The following JAKMIP2 variants were observed in gnomAD, a reference collection of about 807,000 sequenced individuals.
The protein encoded by JAKMIP2 is janus kinase and microtubule interacting protein 2, also known as janus kinase and microtubule-interacting protein 2.
A neutral mutation model predicts 115.0 loss-of-function variants in JAKMIP2; 25 were observed. That is an observed-to-expected ratio of 0.22 (90% CI 0.16 to 0.30). JAKMIP2 has a LOEUF of 0.30. Among genes scored for constraint, JAKMIP2 ranks in the 10% least tolerant of loss-of-function variants. The pLI, the probability that JAKMIP2 is intolerant of heterozygous loss-of-function variation, is 1.00. For synonymous variants in JAKMIP2, 334 were observed against 343.6 expected, an observed-to-expected ratio of 0.97 and a Z score of 0.31; for missense variants, 642 against 957.6, an observed-to-expected ratio of 0.67 and a Z score of 4.35.
At chr5:147,671,596 C>T in intron 2 of JAKMIP2, 82 bp downstream of exon 2, 1 of 1,228,664 alleles carries the variant, frequency 8.1e-7, no homozygotes, top group Non-Finnish European at 1.1e-6. Flanking sequence ...TGGGGTAGGC[C>T]AGCAGGCAGA....
chr5:147,679,043 C>T (rs1272532337), intron 1 of JAKMIP2, among the ~76,000 whole-genome samples: 3 of 151,908 alleles, frequency 2.0e-5, no homozygotes, highest in African/African-American at 7.3e-5. Context: ...TGCAGTGGCA[C>T]AATCTTGGAT....
chr5:147,603,229 GT>G (rs1755804270), intron 20 of JAKMIP2, among the ~76,000 whole-genome samples: 1 of 152,164 alleles, frequency 6.6e-6, no homozygotes, highest in Non-Finnish European at 1.5e-5. Flanking sequence ...TTTTGGGCAA[GT>G]TGTTTAATTT....
chr5:147,679,083 T>A (rs1760126510), intron 1 of JAKMIP2, among the ~76,000 whole-genome samples: 1 of 151,940 alleles, frequency 6.6e-6, no homozygotes, highest in Non-Finnish European at 1.5e-5. Flanking sequence ...CAGGTTCAAA[T>A]AATTCTCACG....
At chr5:147,677,340 TGAATAA>T (rs757528388) in intron 1 of JAKMIP2, among the ~76,000 whole-genome samples, 4 of 152,192 alleles carry the variant, frequency 2.6e-5, no homozygotes, top group Non-Finnish European at 4.4e-5. Flanking sequence ...ATGCTTAAAT[TGAATAA>T]GAATGACAGG....
chr5:147,765,507 A>G (rs1487394641), intron 1 of JAKMIP2, among the ~76,000 whole-genome samples: 1 of 152,080 alleles, frequency 6.6e-6, no homozygotes, highest in Non-Finnish European at 1.5e-5. Context: ...AATTCCTTTA[A>G]TTCACTCATA....
intron 20 of JAKMIP2, among the ~76,000 whole-genome samples, chr5:147,603,604 A>T (rs1232503193): frequency 6.6e-6 from 1 of 152,192 alleles, no homozygotes; most frequent in Non-Finnish European, 1.5e-5. Context: ...GTGAATCATA[A>T]ACCTCATCTC....
In JAKMIP2 at chr5:147,671,724, G is replaced by C. The variant is rs760165945; in HGVS notation, c.83C>G (p.Thr28Ser). 1 of 1,589,790 alleles carries C rather than the reference G, an allele frequency of 6.3e-7. No individual in the cohort carries two copies. Among genetic ancestry groups the C allele is most frequent in the Admixed American group, 1.7e-5 (1 of 57,144 alleles). The change falls in exon 2 of 22, where the codon ACC becomes AGC. Residue 28 changes from threonine (T) to serine (S), a missense_variant. By Grantham distance (58) the Thr-to-Ser change is moderately conservative. Around this residue, in one of 6 missense-constraint regions of JAKMIP2, gnomAD observed 439 missense variants for 570.9 expected, o/e 0.77. Transcript: ENST00000616793. ...ALQAANEDLR[T>S]KLTDIQIELH... ...CTCTATCTGAATGTCTGTGAGCTTGGTCCTGAGGTCTTCATTGGCAGCTTG... is the reference window on the plus strand; with the variant it reads ...CTCTATCTGAATGTCTGTGAGCTTGCTCCTGAGGTCTTCATTGGCAGCTTG...
At chr5:147,764,002 A>C (rs1301732328) in intron 1 of JAKMIP2, among the ~76,000 whole-genome samples, 2 of 152,182 alleles carry the variant, frequency 1.3e-5, no homozygotes, top group African/African-American at 4.8e-5. Flanking sequence ...TTAGAGACCA[A>C]GAGACAGATA....
At chr5:147,709,448 A>G (rs1329478513) in intron 1 of JAKMIP2, among the ~76,000 whole-genome samples, 1 of 152,250 alleles carries the variant, frequency 6.6e-6, no homozygotes, top group African/African-American at 2.4e-5. Context: ...GCACACGTAT[A>G]TATACTGATG....
intron 1 of JAKMIP2, among the ~76,000 whole-genome samples, chr5:147,690,539 T>TTATATATATATA (rs58086292): frequency 3.3e-5 from 3 of 92,250 alleles, no homozygotes; most frequent in Admixed American, 1.3e-4. Context: ...ACTAAAGAGA[T>TTATATATATATA]TATATATATA....
chr5:147,621,001 C>T (rs1756821578), intron 17 of JAKMIP2, among the ~76,000 whole-genome samples: 1 of 152,062 alleles, frequency 6.6e-6, no homozygotes, highest in South Asian at 2.1e-4. Flanking sequence ...TCTGAGAGCA[C>T]GTGATTAAGT....
At position 147,736,654 on chromosome 5, in the gene JAKMIP2, GTTTA is replaced by G. The variant is rs537683374; in HGVS notation, c.-149+45798_-149+45801del. On this transcript the variant is annotated intron_variant, in intron 1 of 21. Transcript: ENST00000616793. Reference sequence around the variant, plus strand: ...GGATATTTATAAGGGGTATCATAGAGTTTATTTAATCAAAACCCTGTACTTTTAT... The same window carrying G: ...GGATATTTATAAGGGGTATCATAGAGTTTAATCAAAACCCTGTACTTTTAT... 3.6e-3 allele frequency among the ~76,000 whole-genome samples: 545 copies of G among 151,850 alleles called. 2 individuals are homozygous for G. Among genetic ancestry groups the G allele is most frequent in the South Asian group, 8.6e-3 (41 of 4,792 alleles).
chr5:147,705,185 G>T (rs762665678), intron 1 of JAKMIP2, among the ~76,000 whole-genome samples: 1 of 152,150 alleles, frequency 6.6e-6, no homozygotes, highest in Non-Finnish European at 1.5e-5. Flanking sequence ...TGATCAAGCT[G>T]AGTTTGAACC....
In JAKMIP2 at chr5:147,605,203, AT is replaced by A. The variant is rs71001447; in HGVS notation, c.2413-3393del. Among the ~76,000 whole-genome samples, 171 of 100,510 alleles carry A rather than the reference AT, an allele frequency of 1.7e-3. 1 individual carries two copies. Among genetic ancestry groups the A allele is most frequent in the African/African-American group, 5.7e-3 (151 of 26,428 alleles). The allele number at this position is 100,510 out of a possible 152,430, so 65.9% of individuals were successfully genotyped here. A position where few individuals can be genotyped will look rare whatever the true frequency, so the allele number is the denominator to read the frequency against. On this transcript the variant is annotated intron_variant, in intron 20 of 21. Transcript: ENST00000616793. ...GTATTCCATGGTGTATATGTGCCAC[AT>A]TTTTTTTTTTTTTTTTTTTTTTTGA...
At chr5:147,747,992 C>A (rs1463522415) in intron 1 of JAKMIP2, among the ~76,000 whole-genome samples, 1 of 152,182 alleles carries the variant, frequency 6.6e-6, no homozygotes, top group Non-Finnish European at 1.5e-5. Flanking sequence ...TTTTTCCATA[C>A]TTTATTATTG....
intron 1 of JAKMIP2, among the ~76,000 whole-genome samples, chr5:147,764,627 C>T (rs1398310093): frequency 6.6e-6 from 1 of 151,740 alleles, no homozygotes; most frequent in East Asian, 2.0e-4. Flanking sequence ...GGCTCACGAC[C>T]CTGTAATCCC....
chr5:147,773,878 C>A (rs1368612334), intron 1 of JAKMIP2, among the ~76,000 whole-genome samples: 10 of 152,102 alleles, frequency 6.6e-5, no homozygotes, highest in Non-Finnish European at 1.5e-4. Context: ...AAGAAGAGAG[C>A]AAGACAGGTA....
intron 1 of JAKMIP2, among the ~76,000 whole-genome samples, chr5:147,720,875 T>C (rs1006368157): frequency 1.5e-4 from 23 of 152,274 alleles, no homozygotes; most frequent in Non-Finnish European, 2.8e-4. Context: ...CGTCCAGCTT[T>C]GTTCCATTGC....
In JAKMIP2 at chr5:147,648,436, A is replaced by C; in HGVS notation, c.876T>G (p.Asn292Lys). 1 of 1,609,264 alleles carries C rather than the reference A, an allele frequency of 6.2e-7. No homozygotes were observed. Among genetic ancestry groups the C allele is most frequent in the African/African-American group, 1.3e-5 (1 of 74,924 alleles). Reference protein sequence around the residue: ...RRNQKRIAELNATIRKLEDRN... With the variant: ...RRNQKRIAELKATIRKLEDRN... ...TGTCTTCTAATTTTCTTATAGTGGC[A>C]TTCAATTCAGCTATTCTCTTTTGAT... Residue 292 changes from asparagine to lysine, a missense_variant, in exon 5 of 22, where the codon AAT becomes AAG. Asn to Lys is a moderately conservative substitution (Grantham distance 94, BLOSUM62 0). Around this residue, in one of 6 missense-constraint regions of JAKMIP2, gnomAD observed 439 missense variants for 570.9 expected, o/e 0.77. Transcript: ENST00000616793.
Sources: allele counts gnomAD v4.1 joint callset (sites outside exome capture counted in the v4.1 genomes callset), GRCh38; gene constraint gnomAD v4.1.1; regional missense constraint gnomAD v4.1.1; transcripts MANE v1.5; gene names NCBI Gene and HGNC (gene_info 2026-07-23, HGNC 2026-07-21).